GAPVD1: variants seen among roughly 807,000 people sequenced by gnomAD.
GAPVD1 encodes GTPase activating protein and VPS9 domains 1, also known as GTPase-activating protein and VPS9 domain-containing protein 1.
In GAPVD1, 35 loss-of-function variants were observed where a neutral mutation model predicts 155.5. That is an observed-to-expected ratio of 0.23 (90% CI 0.17 to 0.30). The LOEUF is 0.30. Among genes scored for constraint, GAPVD1 ranks in the 10% least tolerant of loss-of-function variants. The pLI is 1.00. For missense variants in GAPVD1, 1,429 were observed against 1,775.7 expected, an observed-to-expected ratio of 0.80 and a Z score of 3.51; for synonymous variants, 636 against 619.7, an observed-to-expected ratio of 1.03 and a Z score of -0.39.
intron 8 of GAPVD1, 81 bp downstream of exon 8, chr9:125,307,961 C>T (rs1842112963): frequency 2.1e-6 from 2 of 974,376 alleles, no homozygotes; most frequent in Non-Finnish European, 3.3e-6. Flanking sequence ...TGTTTTGGAA[C>T]ATATGTTTAA....
chr9:125,338,220 T>C (rs898456396), intron 17 of GAPVD1, among the ~76,000 whole-genome samples: 5 of 152,116 alleles, frequency 3.3e-5, no homozygotes, highest in African/African-American at 9.7e-5. Context: ...TACAAACAAG[T>C]TGGAAGTACA....
chr9:125,280,038 C>A (rs912087040), intron 2 of GAPVD1, among the ~76,000 whole-genome samples: 14 of 149,886 alleles, frequency 9.3e-5, no homozygotes, highest in Non-Finnish European at 1.6e-4. Context: ...GCTGGGATTA[C>A]AGGCGTGAGC....
At chr9:125,351,227 A>G (rs541468541) in intron 23 of GAPVD1, among the ~76,000 whole-genome samples, 2 of 152,344 alleles carry the variant, frequency 1.3e-5, no homozygotes, top group African/African-American at 4.8e-5. Context: ...CTTATTCACT[A>G]TCACGAGAAC....
At chr9:125,285,453 G>GTTTTTTTTTTT (rs10659223) in intron 2 of GAPVD1, among the ~76,000 whole-genome samples, 6 of 94,686 alleles carry the variant, frequency 6.3e-5, no homozygotes, top group Non-Finnish European at 9.9e-5. Flanking sequence ...TTTTTTCTTT[G>GTTTTTTTTTTT]TTTTTTTTTT....
rs189134607 is a variant in GAPVD1, at chr9:125,264,070, A to C, written c.-199+2111A>C. On this transcript the variant is annotated intron_variant, in intron 1 of 27. Transcript: ENST00000297933. ...TGACTCCCTCCTTAAAAAGGAGTTC[A>C]TAAATGGCAATCTGGTTCTTTAGAA... 44 of 876,806 alleles carry C rather than the reference A, an allele frequency of 5.0e-5. No homozygotes were observed. In the East Asian group the frequency reaches 1.1e-3, roughly 21 times the overall value. 54.3% of individuals were successfully genotyped at this position (876,806 alleles called of 1,614,324 possible). A position where few individuals can be genotyped will look rare whatever the true frequency, so the allele number is the denominator to read the frequency against.
chr9:125,296,418 G>A (rs995573605), intron 3 of GAPVD1, among the ~76,000 whole-genome samples: 49 of 146,148 alleles, frequency 3.4e-4, no homozygotes, highest in African/African-American at 1.3e-3. Flanking sequence ...GCAGTGGCGC[G>A]ATCTCAGCTC....
chr9:125,319,893 C>T (rs1844040318), intron 9 of GAPVD1, among the ~76,000 whole-genome samples: 1 of 152,060 alleles, frequency 6.6e-6, no homozygotes, highest in Non-Finnish European at 1.5e-5. Context: ...CCACCGCTCC[C>T]AGCCAAAAAA....
intron 12 of GAPVD1, 105 bp downstream of exon 12, chr9:125,326,694 A>T: frequency 1.3e-6 from 1 of 775,052 alleles, no homozygotes; most frequent in South Asian, 1.6e-5. Context: ...TGTGTGTGTT[A>T]GCACCATCTG....
rs541535609 is a variant in GAPVD1 at position 125,363,093 on chromosome 9, T to C, written c.*347T>C. ...ATTCTTGGATTCCCTTTCTTTCCTTTTATTTTAAAAAAGAACAGTACCCCT... is the reference window on the plus strand; with the variant it reads ...ATTCTTGGATTCCCTTTCTTTCCTTCTATTTTAAAAAAGAACAGTACCCCT... On this transcript the variant is annotated 3_prime_UTR_variant, in exon 28 of 28. Transcript: ENST00000297933. 1.8e-4 allele frequency: 28 copies of C among 156,836 alleles called. No homozygotes were observed. The highest frequency in any genetic ancestry group is 3.1e-3 in the Middle Eastern group (1 of 318). The allele number at this position is 156,836 out of a possible 1,614,324, so 9.7% of individuals were successfully genotyped here. A position where few individuals can be genotyped will look rare whatever the true frequency, so the allele number is the denominator to read the frequency against.
chr9:125,273,134 A>G (rs948994079), intron 2 of GAPVD1, among the ~76,000 whole-genome samples: 1 of 152,180 alleles, frequency 6.6e-6, no homozygotes, highest in Admixed American at 6.6e-5. Context: ...GTCATTAGAG[A>G]TTGTTAAATT....
chr9:125,325,213 A>G lies in GAPVD1; in HGVS notation c.1859-1203A>G, dbSNP rs143402676. ...GCACTCTAGCCTGGGCGACAGAGTGAGACTCTGATTGAAAAAAAAAAAGAT... is the reference window on the plus strand; with the variant it reads ...GCACTCTAGCCTGGGCGACAGAGTGGGACTCTGATTGAAAAAAAAAAAGAT... On this transcript the variant is annotated intron_variant, in intron 11 of 27. Transcript: ENST00000297933. Among the ~76,000 whole-genome samples the G allele has an allele frequency of 2.4e-3, 346 of 146,490 alleles. 4 individuals are homozygous for G. Among genetic ancestry groups the G allele is most frequent in the Non-Finnish European group, 4.1e-3 (277 of 66,848 alleles).
At chr9:125,343,088 A>T (rs1322047913) in intron 19 of GAPVD1, among the ~76,000 whole-genome samples, 1 of 152,138 alleles carries the variant, frequency 6.6e-6, no homozygotes, top group Non-Finnish European at 1.5e-5. Flanking sequence ...AGTTTGTTCA[A>T]CCCACGGACC....
chr9:125,305,700 C>CTGTT (rs1457048471), intron 6 of GAPVD1, among the ~76,000 whole-genome samples: 1 of 152,064 alleles, frequency 6.6e-6, no homozygotes, highest in South Asian at 2.1e-4. Context: ...GTGTCTCACT[C>CTGTT]TGTTGCCCAG....
intron 4 of GAPVD1, among the ~76,000 whole-genome samples, chr9:125,299,468 C>T (rs932518062): frequency 1.3e-5 from 2 of 151,848 alleles, no homozygotes; most frequent in African/African-American, 4.8e-5. Context: ...CCAGCCTGGC[C>T]AAGATGGTGA....
At chr9:125,324,330 C>T (rs532597901) in intron 11 of GAPVD1, among the ~76,000 whole-genome samples, 1 of 152,288 alleles carries the variant, frequency 6.6e-6, no homozygotes, top group African/African-American at 2.4e-5. Context: ...GTGGCTCACA[C>T]CTGTAATCCC....
At chr9:125,360,228 T>C (rs1423400779) in intron 26 of GAPVD1, among the ~76,000 whole-genome samples, 2 of 152,246 alleles carry the variant, frequency 1.3e-5, no homozygotes, top group Non-Finnish European at 2.9e-5. Context: ...AGTTCCATTC[T>C]AGCTATTTAA....
Position 125,302,649 on chromosome 9 carries a change from G to A in GAPVD1, c.852G>A (p.Val284=), listed in dbSNP as rs778725908. Residue 284 remains valine (V), a synonymous_variant, in exon 5 of 28, where the codon GTG becomes GTA. Coordinates refer to ENST00000297933, the MANE Select transcript of GAPVD1 (RefSeq NM_001282680.3). ...YCFPHSLRWI[V]SQMYKTLSCV... The stretch of plus-strand genomic sequence containing the variant: ...TTCCACATAGTTTAAGGTGGATCGT[G>A]TCTCAGATGTACAAAACCCTCTCCT... 1.8e-5 allele frequency: 29 copies of A among 1,613,968 alleles called. No homozygotes were observed. The highest frequency in any genetic ancestry group is 2.3e-5 in the Non-Finnish European group (27 of 1,179,878).
rs1023130101 is a variant in GAPVD1, at chr9:125,365,416, G to A, written c.*2670G>A. The A allele has an allele frequency of 6.6e-6, 1 of 150,770 alleles. No individual in the cohort carries two copies. The highest frequency in any genetic ancestry group is 1.5e-5 in the Non-Finnish European group (1 of 67,884). 9.3% of individuals were successfully genotyped at this position (150,770 alleles called of 1,614,324 possible). A position where few individuals can be genotyped will look rare whatever the true frequency, so the allele number is the denominator to read the frequency against. On this transcript the variant is annotated 3_prime_UTR_variant, in exon 28 of 28. Transcript: ENST00000297933. ...TACTTTCTTTACATGAAAGATTAGT[G>A]TAAAAGTACAAAATCAGCCCAGGAA...
At chr9:125,266,990 G>A (rs1352976707) in intron 1 of GAPVD1, among the ~76,000 whole-genome samples, 6 of 152,116 alleles carry the variant, frequency 3.9e-5, no homozygotes, top group Non-Finnish European at 7.4e-5. Context: ...TTGAACTCCT[G>A]TGATCCGCCT....
Sources: allele counts gnomAD v4.1 joint callset (sites outside exome capture counted in the v4.1 genomes callset), GRCh38; gene constraint gnomAD v4.1.1; transcripts MANE v1.5; gene names NCBI Gene and HGNC (gene_info 2026-07-23, HGNC 2026-07-21).